Variants in ALDH1A2 observed in about 807,000 individuals in gnomAD.
ALDH1A2 encodes the protein retinal dehydrogenase 2.
Under a neutral mutation model 60.3 loss-of-function variants are expected in ALDH1A2, and 27 were observed. The ratio of observed to expected loss-of-function variants is 0.45; its 90% CI spans 0.33 to 0.62. The LOEUF (loss-of-function observed/expected upper bound fraction) is 0.62, where lower values mean the gene tolerates loss of function less well. ALDH1A2 is among the 20% of genes least tolerant of loss of function. The pLI, the probability that ALDH1A2 is intolerant of heterozygous loss-of-function variation, is 0.02. For synonymous variants in ALDH1A2, 289 were observed against 232.4 expected, an observed-to-expected ratio of 1.24 and a Z score of -2.21; for missense variants, 581 against 643.8, an observed-to-expected ratio of 0.90 and a Z score of 1.06.
At chr15:57,979,907 G>A (rs1464443599) in intron 7 of ALDH1A2, 2 of 359,544 alleles carry the variant, frequency 5.6e-6, no homozygotes, top group African/African-American at 4.2e-5. Flanking sequence ...CCCATCTGCA[G>A]GGACATGGAG....
intron 7 of ALDH1A2, among the ~76,000 whole-genome samples, chr15:57,967,355 C>T (rs1351766350): frequency 6.6e-6 from 1 of 152,128 alleles, no homozygotes; most frequent in African/African-American, 2.4e-5. Flanking sequence ...GCCTGGCACA[C>T]AGTAAGTGTG....
intron 1 of ALDH1A2, among the ~76,000 whole-genome samples, chr15:58,061,606 A>AAC (rs1555406914): frequency 5.0e-5 from 7 of 140,974 alleles, no homozygotes; most frequent in Non-Finnish European, 1.1e-4. Context: ...AAAAAAAAAA[A>AAC]AAACAAAAAA....
At chr15:58,029,100 C>G (rs1467088228) in intron 1 of ALDH1A2, among the ~76,000 whole-genome samples, 1 of 152,182 alleles carries the variant, frequency 6.6e-6, no homozygotes, top group Non-Finnish European at 1.5e-5. Flanking sequence ...ACATTCTTCT[C>G]AGCACCACAT....
chr15:58,008,040 A>T (rs1398643721), intron 4 of ALDH1A2, among the ~76,000 whole-genome samples: 2 of 152,058 alleles, frequency 1.3e-5, no homozygotes, highest in African/African-American at 4.8e-5. Flanking sequence ...CCTCTAGGCA[A>T]GCCCAAATGT....
chr15:58,036,943 G>T (rs552364303), intron 1 of ALDH1A2, among the ~76,000 whole-genome samples: 24 of 151,816 alleles, frequency 1.6e-4, no homozygotes, highest in Admixed American at 5.9e-4. Context: ...ATCCTCAGTA[G>T]AATTATTCAG....
chr15:58,013,957 G>A lies in ALDH1A2; in HGVS notation c.264C>T (p.Phe88=), dbSNP rs1895712975. The part of the protein sequence containing the change: ...DKAVQAARLA[F]SLGSVWRRMD... ...TCCTTCTCCACACTGAACCAAGAGAGAAAGCCAGGCGGGCTGCCTGCACTG... is the reference window on the plus strand; with the variant it reads ...TCCTTCTCCACACTGAACCAAGAGAAAAAGCCAGGCGGGCTGCCTGCACTG... Residue 88 remains phenylalanine, a synonymous_variant, in exon 3 of 13, where the codon TTC becomes TTT. Transcript: ENST00000249750. The A allele has an allele frequency of 3.1e-6, 5 of 1,614,110 alleles. No homozygotes were observed. The highest frequency in any genetic ancestry group is 4.2e-6 in the Non-Finnish European group (5 of 1,180,004).
intron 4 of ALDH1A2, among the ~76,000 whole-genome samples, chr15:57,999,287 C>G (rs565572575): frequency 6.6e-6 from 1 of 152,108 alleles, no homozygotes; most frequent in South Asian, 2.1e-4. Context: ...TTTTTGCAAT[C>G]TATGCATCTG....
intron 1 of ALDH1A2, among the ~76,000 whole-genome samples, chr15:58,038,787 T>G (rs1896440016): frequency 6.6e-6 from 1 of 151,804 alleles, no homozygotes; most frequent in Admixed American, 6.6e-5. Flanking sequence ...TTCTTCCTGT[T>G]CCACTTTCTA....
chr15:58,062,431 T>C (rs1897064432), intron 1 of ALDH1A2, among the ~76,000 whole-genome samples: 1 of 152,222 alleles, frequency 6.6e-6, no homozygotes, highest in Non-Finnish European at 1.5e-5. Flanking sequence ...AGATATCCCC[T>C]GCAGTCAGGG....
chr15:58,024,940 C>G (rs147500642), intron 1 of ALDH1A2, among the ~76,000 whole-genome samples: 128 of 152,168 alleles, frequency 8.4e-4, no homozygotes, highest in African/African-American at 3.0e-3. Flanking sequence ...TGAATGACCA[C>G]TGTGTCAACA....
At chr15:57,989,659 T>A (rs1243179280) in intron 7 of ALDH1A2, among the ~76,000 whole-genome samples, 1 of 151,700 alleles carries the variant, frequency 6.6e-6, no homozygotes, top group African/African-American at 2.4e-5. Flanking sequence ...CCAACCTGTA[T>A]ATATGGAAAT....
In ALDH1A2 at chr15:57,955,138, C is replaced by T; in HGVS notation, c.*59G>A. The T allele has an allele frequency of 6.5e-7, 1 of 1,529,268 alleles. No homozygotes were observed. The highest frequency in any genetic ancestry group is 9.1e-7 in the Non-Finnish European group (1 of 1,102,668). The allele number at this position is 1,529,268 out of a possible 1,614,324, so 94.7% of individuals were successfully genotyped here. The stretch of plus-strand genomic sequence containing the variant: ...TTGTATTCCTGAGAGCTGGGCCCTA[C>T]AGAGAAAGCAGAGAGGGACAGACGT... On this transcript the variant is annotated 3_prime_UTR_variant, in exon 13 of 13. Coordinates refer to ENST00000249750, the MANE Select transcript of ALDH1A2 (RefSeq NM_003888.4).
intron 12 of ALDH1A2, among the ~76,000 whole-genome samples, chr15:57,958,214 G>GCGCACACACACAAACA (rs67551670): frequency 6.6e-6 from 1 of 151,700 alleles, no homozygotes. Flanking sequence ...GTACACGCAC[G>GCGCACACACACAAACA]CACACACACA....
chr15:57,956,926 C>T (rs548960412), intron 12 of ALDH1A2, among the ~76,000 whole-genome samples: 1 of 152,312 alleles, frequency 6.6e-6, no homozygotes. Flanking sequence ...ATTATGGTTG[C>T]TTTCAAGTGT....
intron 7 of ALDH1A2, among the ~76,000 whole-genome samples, chr15:57,982,849 C>T (rs1330575341): frequency 6.6e-6 from 1 of 152,146 alleles, no homozygotes; most frequent in African/African-American, 2.4e-5. Context: ...TAACTACTCT[C>T]ACTAGAACAC....
rs535828709 is a variant in ALDH1A2, at chr15:58,014,242, T to G, written c.157A>C (p.Arg53=). 2 of 1,614,110 alleles carry G rather than the reference T, an allele frequency of 1.2e-6. No individual in the cohort carries two copies. Among genetic ancestry groups the G allele is most frequent in the South Asian group, 2.2e-5 (2 of 91,084 alleles). Residue 53 remains arginine, a synonymous_variant, in exon 2 of 13, where the codon AGA becomes CGA. Coordinates refer to ENST00000249750, the MANE Select transcript of ALDH1A2 (RefSeq NM_003888.4). ...NNEWQNSESG[R]VFPVYNPATG... The stretch of plus-strand genomic sequence containing the variant: ...GCTGGATTATAGACAGGGAACACTC[T>G]CCCACTCTCTGAGTTCTGCCACTCG...
At chr15:58,021,288 G>C (rs1436487845) in intron 1 of ALDH1A2, among the ~76,000 whole-genome samples, 1 of 152,150 alleles carries the variant, frequency 6.6e-6, no homozygotes, top group Non-Finnish European at 1.5e-5. Context: ...AACCAGAACA[G>C]TATATAGACA....
chr15:57,963,347 C>CTTTTT (rs67005556), intron 9 of ALDH1A2, among the ~76,000 whole-genome samples: 1 of 137,536 alleles, frequency 7.3e-6, no homozygotes, highest in Admixed American at 7.3e-5. Flanking sequence ...TCAGAATATT[C>CTTTTT]TTTTTTTTTT....
At chr15:58,009,039 G>A (rs1482483370) in intron 4 of ALDH1A2, among the ~76,000 whole-genome samples, 3 of 152,042 alleles carry the variant, frequency 2.0e-5, no homozygotes, top group African/African-American at 7.2e-5. Context: ...AGATGGAAGG[G>A]AAGAGCCCCT....
Sources: allele counts gnomAD v4.1 joint callset (sites outside exome capture counted in the v4.1 genomes callset), GRCh38; gene constraint gnomAD v4.1.1; transcripts MANE v1.5; gene names NCBI Gene and HGNC (gene_info 2026-07-23, HGNC 2026-07-21).